TCF12: variants seen among roughly 807,000 people sequenced by gnomAD.
The protein encoded by TCF12 is transcription factor 12.
In TCF12, 45 loss-of-function variants were observed where a neutral mutation model predicts 86.0. That is an observed-to-expected ratio of 0.52 (90% CI 0.41 to 0.67). The LOEUF (loss-of-function observed/expected upper bound fraction) is 0.67. Ranked by LOEUF, TCF12 falls within the 30% of genes least tolerant of loss-of-function variation. The pLI is 0.00. For missense variants in TCF12, 881 were observed against 859.9 expected, an observed-to-expected ratio of 1.02 and a Z score of -0.31; for synonymous variants, 330 against 299.6, an observed-to-expected ratio of 1.10 and a Z score of -1.05.
intron 3 of TCF12, among the ~76,000 whole-genome samples, chr15:57,004,540 C>G (rs752160603): frequency 7.2e-5 from 11 of 152,204 alleles, no homozygotes; most frequent in Non-Finnish European, 1.2e-4. Flanking sequence ...TCCTGAGTAG[C>G]TGGGACAACA....
intron 4 of TCF12, among the ~76,000 whole-genome samples, chr15:57,069,871 AGTT>A (rs1174480230): frequency 6.6e-6 from 1 of 152,244 alleles, no homozygotes; most frequent in African/African-American, 2.4e-5. Flanking sequence ...ATGATAGAAC[AGTT>A]TAGCAAGTAT....
chr15:57,223,229 A>C (rs756397888), intron 8 of TCF12, among the ~76,000 whole-genome samples: 1 of 152,006 alleles, frequency 6.6e-6, no homozygotes, highest in Admixed American at 6.5e-5. Flanking sequence ...ACCCAGGTCT[A>C]TCTGTCCCCC....
intron 7 of TCF12, among the ~76,000 whole-genome samples, chr15:57,194,989 G>C (rs1359211749): frequency 1.3e-5 from 2 of 152,120 alleles, no homozygotes; most frequent in African/African-American, 2.4e-5. Flanking sequence ...TGCAACCTCT[G>C]CCTCCCGGGC....
At chr15:56,925,887 A>G (rs1486072460) in intron 3 of TCF12, among the ~76,000 whole-genome samples, 3 of 152,268 alleles carry the variant, frequency 2.0e-5, no homozygotes, top group Non-Finnish European at 2.9e-5. Context: ...CTAATGAATG[A>G]CAGTCTGCTT....
chr15:57,024,376 A>G (rs1433996862), intron 3 of TCF12, among the ~76,000 whole-genome samples: 1 of 151,668 alleles, frequency 6.6e-6, no homozygotes, highest in African/African-American at 2.4e-5. Context: ...ACCAAACCCA[A>G]CTAATTTCTG....
intron 3 of TCF12, among the ~76,000 whole-genome samples, chr15:56,985,744 C>G (rs1390552214): frequency 6.6e-6 from 1 of 152,068 alleles, no homozygotes; most frequent in Non-Finnish European, 1.5e-5. Flanking sequence ...TTTTAGGACA[C>G]CAAAGCTCAT....
chr15:56,998,802 A>C (rs997528891), intron 3 of TCF12, among the ~76,000 whole-genome samples: 6 of 152,174 alleles, frequency 3.9e-5, no homozygotes, highest in Non-Finnish European at 8.8e-5. Context: ...AACCTTAACA[A>C]ATTTAAAAGA....
At chr15:57,242,009 A>C (rs1457415744) in intron 12 of TCF12, among the ~76,000 whole-genome samples, 1 of 151,756 alleles carries the variant, frequency 6.6e-6, no homozygotes, top group African/African-American at 2.4e-5. Context: ...AAAAAAATGA[A>C]ATTCGTAAAT....
intron 5 of TCF12, among the ~76,000 whole-genome samples, chr15:57,130,883 G>C (rs2052059457): frequency 6.6e-6 from 1 of 152,152 alleles, no homozygotes; most frequent in Admixed American, 6.5e-5. Context: ...AGTTTAGAAA[G>C]TTTAGGTAAC....
intron 3 of TCF12, among the ~76,000 whole-genome samples, chr15:57,058,541 G>C (rs1461512206): frequency 6.6e-6 from 1 of 152,168 alleles, no homozygotes; most frequent in Non-Finnish European, 1.5e-5. Context: ...ACCGGAAAGG[G>C]TGATTCCTTC....
intron 4 of TCF12, among the ~76,000 whole-genome samples, chr15:57,087,958 G>A (rs2048754597): frequency 6.6e-6 from 1 of 152,048 alleles, no homozygotes; most frequent in African/African-American, 2.4e-5. Context: ...ATCTTAATTA[G>A]GAGTCCTGGG....
intron 6 of TCF12, among the ~76,000 whole-genome samples, chr15:57,185,490 A>G (rs1303587704): frequency 6.6e-6 from 1 of 152,230 alleles, no homozygotes; most frequent in Non-Finnish European, 1.5e-5. Context: ...AGAACAAACT[A>G]AATTGAAGAA....
At chr15:56,929,970 G>T (rs1392331876) in intron 3 of TCF12, among the ~76,000 whole-genome samples, 5 of 152,168 alleles carry the variant, frequency 3.3e-5, no homozygotes, top group African/African-American at 1.2e-4. Flanking sequence ...AAAGTTGTCA[G>T]TGTATTTGCT....
chr15:56,945,391 C>G (rs2060950102), intron 3 of TCF12, among the ~76,000 whole-genome samples: 1 of 151,930 alleles, frequency 6.6e-6, no homozygotes, highest in African/African-American at 2.4e-5. Flanking sequence ...TCTCATTTTC[C>G]TTCTGCCCGA....
chr15:57,285,198 C>T (rs1051232153), intron 20 of TCF12, among the ~76,000 whole-genome samples: 7 of 152,122 alleles, frequency 4.6e-5, no homozygotes, highest in Non-Finnish European at 7.4e-5. Context: ...TGGTTATAAA[C>T]GTACAAAAAT....
intron 3 of TCF12, among the ~76,000 whole-genome samples, chr15:57,028,591 T>G (rs1469994141): frequency 6.6e-6 from 1 of 152,190 alleles, no homozygotes; most frequent in Admixed American, 6.5e-5. Flanking sequence ...TATAAAATCT[T>G]TTGTCAGTTA....
intron 3 of TCF12, among the ~76,000 whole-genome samples, chr15:57,029,359 G>A (rs914029713): frequency 6.6e-6 from 1 of 151,764 alleles, no homozygotes; most frequent in Non-Finnish European, 1.5e-5. Context: ...ACCTGACTTT[G>A]TTTTTCTTTT....
chr15:57,003,178 AACT>A, intron 3 of TCF12, among the ~76,000 whole-genome samples: 1 of 152,312 alleles, frequency 6.6e-6, no homozygotes, highest in Middle Eastern at 3.4e-3. Flanking sequence ...GGTAATGGGT[AACT>A]TCAGTGGCTT....
At chr15:57,002,498 A>G (rs2064108382) in intron 3 of TCF12, among the ~76,000 whole-genome samples, 1 of 152,234 alleles carries the variant, frequency 6.6e-6, no homozygotes, top group African/African-American at 2.4e-5. Context: ...TTTTCTGTGT[A>G]GTGACATCTA....
Sources: gnomAD v4.1 joint callset for allele counts (sites outside exome capture counted in the v4.1 genomes callset) on GRCh38, gnomAD v4.1.1 for gene constraint, MANE v1.5 for transcripts, NCBI Gene and HGNC (gene_info 2026-07-23, HGNC 2026-07-21) for gene names.